SLC35F1: variants seen among roughly 807,000 people sequenced by gnomAD.
SLC35F1 encodes the protein chromosome 6 open reading frame 169.
A neutral mutation model predicts 48.7 loss-of-function variants in SLC35F1; 14 were observed. That is an observed-to-expected ratio of 0.29 (90% confidence interval 0.19 to 0.45). The LOEUF (loss-of-function observed/expected upper bound fraction) is 0.45, where lower values mean the gene tolerates loss of function less well. SLC35F1 is among the 20% of genes least tolerant of loss of function. SLC35F1 has a pLI of 1.00. For missense variants in SLC35F1, 404 were observed against 500.0 expected, an observed-to-expected ratio of 0.81 and a Z score of 1.83; for synonymous variants, 190 against 202.2, an observed-to-expected ratio of 0.94 and a Z score of 0.51.
intron 1 of SLC35F1, among the ~76,000 whole-genome samples, chr6:118,140,691 G>A (rs1272378103): frequency 6.6e-6 from 1 of 151,784 alleles, no homozygotes; most frequent in African/African-American, 2.4e-5. Flanking sequence ...CATAGGAGAT[G>A]ACAGCTTCAT....
rs552742457 is a variant in SLC35F1 at position 118,140,193 on chromosome 6, T to C, written c.174-14252T>C. On this transcript the variant is annotated intron_variant, in intron 1 of 7. Coordinates refer to ENST00000360388, the MANE Select transcript of SLC35F1 (RefSeq NM_001029858.4). ...ATTGAGTCAAAGATCTGAAATTACTTGGATTTACCCAAATTTTGACATAGG... is the reference window on the plus strand; with the variant it reads ...ATTGAGTCAAAGATCTGAAATTACTCGGATTTACCCAAATTTTGACATAGG... Among the ~76,000 whole-genome samples, 41 of 152,292 alleles carry C rather than the reference T, an allele frequency of 2.7e-4. No individual in the cohort carries two copies. The East Asian group carries it at 7.7e-3, about 29-fold the overall frequency.
intron 1 of SLC35F1, among the ~76,000 whole-genome samples, chr6:118,001,995 T>A (rs1388410941): frequency 6.8e-6 from 1 of 146,310 alleles, no homozygotes; most frequent in African/African-American, 2.5e-5. Flanking sequence ...ACTTTTACAC[T>A]GTTGGTGGGA....
chr6:118,018,898 T>C (rs1006538531), intron 1 of SLC35F1, among the ~76,000 whole-genome samples: 2 of 152,150 alleles, frequency 1.3e-5, no homozygotes, highest in African/African-American at 4.8e-5. Context: ...CCAATACACG[T>C]GCCATGACAG....
At chr6:118,199,445 T>C (rs771503192) in intron 2 of SLC35F1, among the ~76,000 whole-genome samples, 1 of 152,270 alleles carries the variant, frequency 6.6e-6, no homozygotes, top group Non-Finnish European at 1.5e-5. Context: ...CATTCTGTTA[T>C]ATGAACGTGT....
At chr6:118,095,675 G>A (rs73514523) in intron 1 of SLC35F1, among the ~76,000 whole-genome samples, 2,722 of 152,224 alleles carry the variant, frequency 0.018, 81 homozygotes, top group African/African-American at 0.062. Context: ...GAACATCATG[G>A]AGGTTCCTTG....
chr6:118,119,573 G>A (rs11754213), intron 1 of SLC35F1, among the ~76,000 whole-genome samples: 28,737 of 139,050 alleles, frequency 0.21, 2,939 homozygotes, highest in Middle Eastern at 0.28. Context: ...GGCGTATTTC[G>A]GCTCACTGCA....
At chr6:118,127,645 A>G (rs7451738) in intron 1 of SLC35F1, among the ~76,000 whole-genome samples, 33,666 of 151,624 alleles carry the variant, frequency 0.22, 4,157 homozygotes, top group East Asian at 0.39. Context: ...CTTACACCTT[A>G]TACAAAAATT....
intron 1 of SLC35F1, among the ~76,000 whole-genome samples, chr6:118,011,117 T>G (rs551647280): frequency 6.6e-6 from 1 of 152,292 alleles, no homozygotes; most frequent in South Asian, 2.1e-4. Context: ...AGACAGTTTT[T>G]CCACGGATGG....
chr6:118,210,660 G>A (rs1273947209), intron 2 of SLC35F1, among the ~76,000 whole-genome samples: 1 of 152,124 alleles, frequency 6.6e-6, no homozygotes, highest in African/African-American at 2.4e-5. Flanking sequence ...TCTAGCCTTT[G>A]AACTTCTAGA....
intron 1 of SLC35F1, among the ~76,000 whole-genome samples, chr6:118,095,468 A>G (rs1773139845): frequency 6.6e-6 from 1 of 152,212 alleles, no homozygotes; most frequent in African/African-American, 2.4e-5. Flanking sequence ...AACATGCTTG[A>G]CAGGATTTTT....
chr6:118,283,998 C>G (rs1776019484), intron 6 of SLC35F1, among the ~76,000 whole-genome samples: 1 of 152,176 alleles, frequency 6.6e-6, no homozygotes, highest in South Asian at 2.1e-4. Context: ...GGCTGTTGTA[C>G]TGAGTTTACT....
At chr6:118,296,667 C>T (rs547890973) in intron 7 of SLC35F1, among the ~76,000 whole-genome samples, 12 of 152,276 alleles carry the variant, frequency 7.9e-5, no homozygotes, top group Non-Finnish European at 1.5e-4. Flanking sequence ...ATATTTTGAG[C>T]TCACGTCATC....
At chr6:118,003,903 C>T (rs530473442) in intron 1 of SLC35F1, among the ~76,000 whole-genome samples, 21 of 152,116 alleles carry the variant, frequency 1.4e-4, no homozygotes, top group Non-Finnish European at 2.4e-4. Flanking sequence ...AGGAGAGATT[C>T]AGAACTGGTT....
At chr6:117,934,168 A>G (rs1776136209) in intron 1 of SLC35F1, among the ~76,000 whole-genome samples, 1 of 152,198 alleles carries the variant, frequency 6.6e-6, no homozygotes, top group African/African-American at 2.4e-5. Context: ...TCAACTTTTT[A>G]ACCGCTCCTT....
At chr6:118,163,649 A>C (rs1781762617) in intron 2 of SLC35F1, among the ~76,000 whole-genome samples, 1 of 152,220 alleles carries the variant, frequency 6.6e-6, no homozygotes, top group Admixed American at 6.5e-5. Context: ...GCATAGAGAA[A>C]TACTCATTCC....
intron 1 of SLC35F1, among the ~76,000 whole-genome samples, chr6:117,972,317 G>A (rs1776652612): frequency 6.6e-6 from 1 of 152,126 alleles, no homozygotes; most frequent in Non-Finnish European, 1.5e-5. Context: ...CAAGTCTCTA[G>A]GAAGTTCCAA....
At chr6:118,110,288 G>T (rs1773380995) in intron 1 of SLC35F1, among the ~76,000 whole-genome samples, 2 of 152,144 alleles carry the variant, frequency 1.3e-5, no homozygotes, top group Non-Finnish European at 2.9e-5. Flanking sequence ...GAAAAATGGA[G>T]AAATGGACAG....
At position 117,996,886 on chromosome 6, in the gene SLC35F1, C is replaced by T. The variant is rs892451228; in HGVS notation, c.173+88987C>T. Among the ~76,000 whole-genome samples the T allele has an allele frequency of 3.5e-4, 54 of 152,312 alleles. 1 individual carries two copies. The South Asian group carries it at 4.1e-3, about 12-fold the overall frequency. ...GAGTGCCTCTCCTCCTCCAAAGGAA[C>T]ACAGTTCCTCACCAGCAACGAAACA... On this transcript the variant is annotated intron_variant, in intron 1 of 7. Transcript: ENST00000360388.
At chr6:118,078,549 T>A (rs1582653829) in intron 1 of SLC35F1, among the ~76,000 whole-genome samples, 1 of 152,138 alleles carries the variant, frequency 6.6e-6, no homozygotes. Context: ...AAATAAAAAA[T>A]TTATACAATT....
Sources: gnomAD v4.1 joint callset for allele counts (sites outside exome capture counted in the v4.1 genomes callset) on GRCh38, gnomAD v4.1.1 for gene constraint, MANE v1.5 for transcripts, NCBI Gene and HGNC (gene_info 2026-07-23, HGNC 2026-07-21) for gene names.